Variants in DNAJC1 observed in about 807,000 individuals in gnomAD.
DNAJC1 encodes dnaJ homolog subfamily C member 1.
DNAJC1 carries 58 observed loss-of-function variants against 76.6 expected under a neutral mutation model. That is an observed-to-expected ratio of 0.76 (90% CI 0.61 to 0.94). The LOEUF (loss-of-function observed/expected upper bound fraction) is 0.94, where lower values mean the gene tolerates loss of function less well. DNAJC1 is among the 40% of genes least tolerant of loss of function. The pLI is 0.00. For synonymous variants in DNAJC1, 258 were observed against 267.9 expected, an observed-to-expected ratio of 0.96 and a Z score of 0.36; for missense variants, 689 against 677.3, an observed-to-expected ratio of 1.02 and a Z score of -0.19.
In DNAJC1 at chr10:21,809,405, G is replaced by C. The variant is rs534738773; in HGVS notation, c.979-3306C>G. On this transcript the variant is annotated intron_variant, in intron 8 of 11. Transcript: ENST00000376980. Reference sequence around the variant, plus strand: ...AATAATTATTTATATAAATACAGAAGCTAAAATTTTGGATTCAACTATTTT... The same window carrying C: ...AATAATTATTTATATAAATACAGAACCTAAAATTTTGGATTCAACTATTTT... Among the ~76,000 whole-genome samples, 9 of 151,666 alleles carry C rather than the reference G, an allele frequency of 5.9e-5. No individual in the cohort carries two copies. The East Asian group carries it at 1.7e-3, about 29-fold the overall frequency.
At chr10:21,919,778 A>T in intron 5 of DNAJC1, 54 bp downstream of exon 5, 1 of 1,221,654 alleles carries the variant, frequency 8.2e-7, no homozygotes, top group South Asian at 1.3e-5. Context: ...GAATCATATT[A>T]AAGATGTATT....
intron 9 of DNAJC1, among the ~76,000 whole-genome samples, chr10:21,798,010 G>A (rs371310928): frequency 5.3e-5 from 8 of 152,284 alleles, no homozygotes; most frequent in Admixed American, 1.3e-4. Flanking sequence ...AAAAATCAAG[G>A]TCATGCATGT....
At chr10:21,840,713 A>C (rs901813616) in intron 8 of DNAJC1, among the ~76,000 whole-genome samples, 4 of 152,212 alleles carry the variant, frequency 2.6e-5, no homozygotes, top group African/African-American at 9.7e-5. Flanking sequence ...ATCCCCATCA[A>C]GCTACCAATG....
chr10:21,876,420 C>T (rs1314217464), intron 8 of DNAJC1, among the ~76,000 whole-genome samples: 2 of 152,046 alleles, frequency 1.3e-5, no homozygotes, highest in African/African-American at 2.4e-5. Context: ...CCTGAAAAAA[C>T]TTTAAAAGAT....
chr10:21,924,063 G>A (rs1837080089), intron 3 of DNAJC1, among the ~76,000 whole-genome samples: 1 of 151,774 alleles, frequency 6.6e-6, no homozygotes, highest in Non-Finnish European at 1.5e-5. Flanking sequence ...GTCACATTTT[G>A]AAACTGAATA....
intron 9 of DNAJC1, among the ~76,000 whole-genome samples, chr10:21,776,507 C>T (rs1278588523): frequency 6.6e-6 from 1 of 152,140 alleles, no homozygotes; most frequent in Non-Finnish European, 1.5e-5. Flanking sequence ...GCCCTCATTA[C>T]AAGTAAGAAC....
chr10:21,772,801 TAAAGA>T (rs1390724004), intron 9 of DNAJC1, among the ~76,000 whole-genome samples: 1 of 152,014 alleles, frequency 6.6e-6, no homozygotes, highest in Non-Finnish European at 1.5e-5. Flanking sequence ...GGGTAATTTA[TAAAGA>T]AAAGATACTG....
intron 1 of DNAJC1, among the ~76,000 whole-genome samples, chr10:21,966,173 T>C (rs1489329997): frequency 1.3e-5 from 2 of 152,190 alleles, no homozygotes; most frequent in African/African-American, 2.4e-5. Context: ...GTAAGTTATA[T>C]TGTACCCATC....
chr10:21,810,513 A>G (rs1471563294), intron 8 of DNAJC1, among the ~76,000 whole-genome samples: 3 of 152,184 alleles, frequency 2.0e-5, no homozygotes, highest in Non-Finnish European at 2.9e-5. Flanking sequence ...AAAATATCCC[A>G]TAGTGGTCAT....
rs1646225321 is a variant in DNAJC1 at position 21,919,934 on chromosome 10, A to T, written c.538-5T>A. On this transcript the variant is annotated splice_region_variant and splice_polypyrimidine_tract_variant and intron_variant, in intron 4 of 11. Transcript: ENST00000376980. ...TTTTCTACTTAGTAGTTCATCCTTA[A>T]TGTGGAAAGAATTATGGTTACAGGT... The T allele has an allele frequency of 1.3e-6, 2 of 1,559,064 alleles. No homozygotes were observed. The highest frequency in any genetic ancestry group is 1.7e-6 in the Non-Finnish European group (2 of 1,143,216).
intron 1 of DNAJC1, among the ~76,000 whole-genome samples, chr10:21,975,089 T>C (rs1476292603): frequency 6.6e-6 from 1 of 152,144 alleles, no homozygotes; most frequent in South Asian, 2.1e-4. Flanking sequence ...TCATACAGTA[T>C]AGGCTGGTTA....
intron 7 of DNAJC1, among the ~76,000 whole-genome samples, chr10:21,894,901 T>C (rs1836516082): frequency 6.6e-6 from 1 of 152,118 alleles, no homozygotes; most frequent in African/African-American, 2.4e-5. Flanking sequence ...AGCAACAAGG[T>C]GCCATCTTGG....
At chr10:21,866,920 T>C (rs1359192756) in intron 8 of DNAJC1, among the ~76,000 whole-genome samples, 4 of 152,088 alleles carry the variant, frequency 2.6e-5, no homozygotes, top group Non-Finnish European at 5.9e-5. Context: ...AAAGAATCAA[T>C]GGGTCAAGAA....
At chr10:21,849,321 T>TAAAAAAAAAA (rs1283566162) in intron 8 of DNAJC1, among the ~76,000 whole-genome samples, 11 of 63,340 alleles carry the variant, frequency 1.7e-4, no homozygotes, top group African/African-American at 5.1e-4. Context: ...AAAAAAAAAG[T>TAAAAAAAAAA]AAATGCCTAC....
intron 3 of DNAJC1, among the ~76,000 whole-genome samples, chr10:21,927,488 TG>T (rs1219023277): frequency 1.3e-5 from 2 of 152,230 alleles, no homozygotes; most frequent in African/African-American, 4.8e-5. Context: ...GGTGTTGTTT[TG>T]TTTTGTTTTT....
chr10:21,772,836 A>C (rs1447325593), intron 9 of DNAJC1, among the ~76,000 whole-genome samples: 1 of 152,162 alleles, frequency 6.6e-6, no homozygotes, highest in Non-Finnish European at 1.5e-5. Context: ...ATGGTTTCAC[A>C]AGCTGTACAG....
At chr10:21,912,287 T>A (rs1213116575) in intron 6 of DNAJC1, among the ~76,000 whole-genome samples, 3 of 152,164 alleles carry the variant, frequency 2.0e-5, no homozygotes, top group Non-Finnish European at 2.9e-5. Flanking sequence ...CCAATTTGAG[T>A]CTTAAGTATT....
At chr10:21,757,273 A>G (rs1678803556) in intron 11 of DNAJC1, among the ~76,000 whole-genome samples, 1 of 152,094 alleles carries the variant, frequency 6.6e-6, no homozygotes, top group South Asian at 2.1e-4. Context: ...CCCACCCTAC[A>G]GGCTGCAGAG....
chr10:21,998,569 C>A (rs1172507685), intron 1 of DNAJC1, among the ~76,000 whole-genome samples: 3 of 151,942 alleles, frequency 2.0e-5, no homozygotes, highest in African/African-American at 7.3e-5. Flanking sequence ...CTCTCATCTT[C>A]CCCCCATCTC....
Sources: gnomAD v4.1 joint callset for allele counts (sites outside exome capture counted in the v4.1 genomes callset) on GRCh38, gnomAD v4.1.1 for gene constraint, MANE v1.5 for transcripts, NCBI Gene and HGNC (gene_info 2026-07-23, HGNC 2026-07-21) for gene names.